Variants in TEKT5 observed in about 807,000 individuals in gnomAD.
TEKT5 encodes the protein tektin-5.
In TEKT5, 52 loss-of-function variants were observed where a neutral mutation model predicts 48.7. That is an observed-to-expected ratio of 1.07 (90% confidence interval 0.86 to 1.35). The LOEUF (loss-of-function observed/expected upper bound fraction) is 1.35, where lower values mean the gene tolerates loss of function less well. TEKT5 is among the 40% of genes most tolerant of loss of function. TEKT5 has a pLI of 0.00. For synonymous variants in TEKT5, 318 were observed against 267.6 expected, an observed-to-expected ratio of 1.19 and a Z score of -1.84; for missense variants, 831 against 641.6, an observed-to-expected ratio of 1.30 and a Z score of -3.19.
chr16:10,657,161 T>G (rs926390819), intron 5 of TEKT5, among the ~76,000 whole-genome samples: 2 of 151,570 alleles, frequency 1.3e-5, no homozygotes, highest in African/African-American at 4.9e-5. Flanking sequence ...GTTTCACTCT[T>G]GTTGCCCAGG....
chr16:10,682,016 G>A lies in TEKT5; in HGVS notation c.840C>T (p.His280=), dbSNP rs139254890. ...RNTSDCISFF[H]GMEKIDGTIS... ...ACGTGCCGTCAATTTTCTCCATGCC[G>A]TGGAAGAAGCTGATGCAGTCTGACG... The change falls in exon 4 of 7, where the codon CAC becomes CAT. Residue 280 remains histidine (H), a synonymous_variant. Coordinates refer to ENST00000283025, the MANE Select transcript of TEKT5 (RefSeq NM_144674.2). 1.7e-4 allele frequency: 273 copies of A among 1,614,058 alleles called. 1 individual carries two copies. The Middle Eastern group carries it at 3.3e-3, about 20-fold the overall frequency.
chr16:10,654,328 G>T (rs149216726), intron 5 of TEKT5, among the ~76,000 whole-genome samples: 256 of 152,310 alleles, frequency 1.7e-3, no homozygotes, highest in African/African-American at 5.9e-3. Context: ...TGGGATTACA[G>T]ATGTGAGCCA....
chr16:10,630,636 A>G (rs1196590832), intron 6 of TEKT5, among the ~76,000 whole-genome samples: 2 of 152,208 alleles, frequency 1.3e-5, no homozygotes, highest in African/African-American at 4.8e-5. Context: ...TGCACCATCA[A>G]ATATGGTACC....
intron 5 of TEKT5, among the ~76,000 whole-genome samples, chr16:10,673,367 G>A (rs1051955613): frequency 6.6e-6 from 1 of 152,194 alleles, no homozygotes; most frequent in African/African-American, 2.4e-5. Context: ...TGCTTTTGCA[G>A]TATAGAGGCA....
chr16:10,628,924 G>GAATGAAAT (rs1897795639), intron 6 of TEKT5, among the ~76,000 whole-genome samples: 1 of 137,488 alleles, frequency 7.3e-6, no homozygotes. Context: ...AAAAAAAAAG[G>GAATGAAAT]AATGAAATAC....
chr16:10,686,379 C>T (rs1898862139), intron 3 of TEKT5, among the ~76,000 whole-genome samples: 1 of 151,864 alleles, frequency 6.6e-6, no homozygotes, highest in African/African-American at 2.4e-5. Context: ...ATCACTTGAA[C>T]CCAGGAGGAG....
intron 1 of TEKT5, among the ~76,000 whole-genome samples, chr16:10,693,963 C>G (rs2883615): frequency 0.25 from 38,037 of 152,022 alleles, 5,383 homozygotes; most frequent in East Asian, 0.52. Context: ...GAGGGAGACT[C>G]TGTGTAAAAA....
At chr16:10,690,228 G>A (rs1261789368) in intron 1 of TEKT5, 9 of 575,144 alleles carry the variant, frequency 1.6e-5, no homozygotes, top group Non-Finnish European at 2.7e-5. Context: ...ATATGACCAA[G>A]GCATCCGGAG....
intron 5 of TEKT5, among the ~76,000 whole-genome samples, chr16:10,639,524 C>A (rs1466567887): frequency 1.3e-5 from 2 of 152,120 alleles, no homozygotes; most frequent in South Asian, 2.1e-4. Context: ...GATAAAAGTG[C>A]CCTCCCATCA....
intron 3 of TEKT5, among the ~76,000 whole-genome samples, chr16:10,687,680 G>A (rs1898887847): frequency 6.6e-6 from 1 of 152,284 alleles, no homozygotes; most frequent in African/African-American, 2.4e-5. Context: ...ATGAATCTGG[G>A]AGGTGGAGGT....
At chr16:10,654,684 G>C (rs935637587) in intron 5 of TEKT5, among the ~76,000 whole-genome samples, 2 of 152,094 alleles carry the variant, frequency 1.3e-5, no homozygotes, top group African/African-American at 4.8e-5. Context: ...CTCAGCCCCT[G>C]ACTCTTAGAC....
intron 5 of TEKT5, among the ~76,000 whole-genome samples, chr16:10,645,900 G>A (rs760752468): frequency 1.3e-5 from 2 of 152,028 alleles, no homozygotes; most frequent in African/African-American, 4.8e-5. Context: ...GGGGCACTGA[G>A]GTGGGAGGAT....
chr16:10,685,312 C>CT (rs1567236141), intron 3 of TEKT5, among the ~76,000 whole-genome samples: 1 of 151,974 alleles, frequency 6.6e-6, no homozygotes. Context: ...CTCTCTCTCT[C>CT]TTTTTTTGAG....
At chr16:10,681,572 C>T (rs1898751915) in intron 4 of TEKT5, among the ~76,000 whole-genome samples, 1 of 151,762 alleles carries the variant, frequency 6.6e-6, no homozygotes, top group Admixed American at 6.6e-5. Context: ...GGTCTCCCTG[C>T]CGAGGTTGTC....
Position 10,679,349 on chromosome 16 carries a change from C to T in TEKT5, c.863+2644G>A, listed in dbSNP as rs539490504. ...GCATGTGCCTGCAGTCCCAGCTACT[C>T]GGGAGGCTGAGGCAGGAGAATCACT... On this transcript the variant is annotated intron_variant, in intron 4 of 6. Transcript: ENST00000283025. Among the ~76,000 whole-genome samples, 9 of 151,440 alleles carry T rather than the reference C, an allele frequency of 5.9e-5. No individual in the cohort carries two copies. In the South Asian group the frequency reaches 1.7e-3, roughly 28 times the overall value.
chr16:10,632,090 G>A (rs557582339), intron 6 of TEKT5, among the ~76,000 whole-genome samples: 1 of 152,124 alleles, frequency 6.6e-6, no homozygotes, highest in African/African-American at 2.4e-5. Flanking sequence ...GGAAGCCTGG[G>A]CTAGAGAGAA....
chr16:10,647,225 T>A (rs559539253), intron 5 of TEKT5, among the ~76,000 whole-genome samples: 61 of 151,874 alleles, frequency 4.0e-4, no homozygotes, highest in Admixed American at 1.6e-3. Flanking sequence ...GTCCCAGCAC[T>A]TTGGGAGGCT....
At chr16:10,633,871 C>G (rs560895196) in intron 6 of TEKT5, among the ~76,000 whole-genome samples, 10 of 152,276 alleles carry the variant, frequency 6.6e-5, no homozygotes, top group East Asian at 5.8e-4. Flanking sequence ...CCCTCCACCC[C>G]ACCCCAACAC....
At chr16:10,659,420 C>T (rs1898321949) in intron 5 of TEKT5, among the ~76,000 whole-genome samples, 2 of 152,180 alleles carry the variant, frequency 1.3e-5, no homozygotes, top group Non-Finnish European at 2.9e-5. Context: ...CGCTTTGTCA[C>T]ACAGGCTGGA....
Sources: gnomAD v4.1 joint callset for allele counts (sites outside exome capture counted in the v4.1 genomes callset) on GRCh38, gnomAD v4.1.1 for gene constraint, MANE v1.5 for transcripts, NCBI Gene and HGNC (gene_info 2026-07-23, HGNC 2026-07-21) for gene names.